Variants in PHF21A observed in about 807,000 individuals in gnomAD.
PHF21A encodes BHC80a.
Under a neutral mutation model 82.5 loss-of-function variants are expected in PHF21A, and 11 were observed. The observed-to-expected ratio is 0.13, with a 90% confidence interval of 0.08 to 0.22. PHF21A has a LOEUF of 0.22. Ranked by LOEUF, PHF21A falls within the 10% of genes least tolerant of loss-of-function variation. The probability of loss-of-function intolerance (pLI) is 1.00; values close to 1 mark genes in which losing one functional copy is unlikely to be tolerated. For missense variants in PHF21A, 579 were observed against 837.8 expected, an observed-to-expected ratio of 0.69 and a Z score of 3.81; for synonymous variants, 297 against 302.8, an observed-to-expected ratio of 0.98 and a Z score of 0.20.
rs1411355026 is a variant in PHF21A at position 45,949,517 on chromosome 11, C to CA, written c.1148-37dup. ...GAAAAGGTTTTCATTAGCAGAGAGG[C>CA]ATGGAGAACCTAAAAAACTTAACTT... is the stretch of plus-strand genomic sequence containing the variant. On this transcript the variant is annotated intron_variant, in intron 12 of 18. Transcript: ENST00000676320. 3 of 1,526,798 alleles carry CA rather than the reference C, an allele frequency of 2.0e-6. No homozygotes were observed. The South Asian group carries it at 3.4e-5, about 17-fold the overall frequency. 94.6% of individuals were successfully genotyped at this position (1,526,798 alleles called of 1,614,324 possible).
intron 9 of PHF21A, 36 bp downstream of exon 9, chr11:45,969,779 C>T: frequency 7.2e-7 from 1 of 1,395,460 alleles, no homozygotes; most frequent in Non-Finnish European, 1.0e-6. Flanking sequence ...TCTGTCCCAT[C>T]TAACCTATCA....
At chr11:45,953,153 G>A (rs1023796275) in intron 11 of PHF21A, among the ~76,000 whole-genome samples, 2 of 152,210 alleles carry the variant, frequency 1.3e-5, no homozygotes, top group African/African-American at 4.8e-5. Flanking sequence ...GAGTGAACTA[G>A]ATATCTTATA....
At chr11:45,992,376 CAA>C (rs375091067) in intron 6 of PHF21A, among the ~76,000 whole-genome samples, 1 of 139,596 alleles carries the variant, frequency 7.2e-6, no homozygotes, top group Non-Finnish European at 1.6e-5. Context: ...ACTAAAAATA[CAA>C]AAAAAAAAAA....
At chr11:46,102,794 G>A (rs962607768) in intron 1 of PHF21A, among the ~76,000 whole-genome samples, 2 of 152,236 alleles carry the variant, frequency 1.3e-5, no homozygotes, top group Non-Finnish European at 2.9e-5. Context: ...CCAGCTGAGG[G>A]CCCAAAGTAG....
chr11:46,012,489 A>G (rs997669882), intron 6 of PHF21A, among the ~76,000 whole-genome samples: 1 of 152,262 alleles, frequency 6.6e-6, no homozygotes, highest in Admixed American at 6.5e-5. Context: ...CACCTTGGAC[A>G]GAATTCTGGC....
chr11:45,937,297 G>A (rs963428429), intron 16 of PHF21A, among the ~76,000 whole-genome samples: 1 of 152,112 alleles, frequency 6.6e-6, no homozygotes, highest in Non-Finnish European at 1.5e-5. Flanking sequence ...AAATCATAAA[G>A]ACATAAATAT....
chr11:45,984,849 G>A (rs1026840237), intron 6 of PHF21A, among the ~76,000 whole-genome samples: 8 of 152,116 alleles, frequency 5.3e-5, no homozygotes, highest in Non-Finnish European at 4.4e-5. Context: ...TATCTGTTGC[G>A]TATCAATTAT....
chr11:45,980,236 A>G (rs117958458), intron 6 of PHF21A, among the ~76,000 whole-genome samples: 2,367 of 152,310 alleles, frequency 0.016, 36 homozygotes, highest in Non-Finnish European at 0.025. Flanking sequence ...CAGAGCTCAG[A>G]TGTCCTATTA....
intron 6 of PHF21A, among the ~76,000 whole-genome samples, chr11:46,047,019 G>A (rs2096268867): frequency 6.6e-6 from 1 of 152,216 alleles, no homozygotes; most frequent in Non-Finnish European, 1.5e-5. Context: ...AATTTAAAGT[G>A]ATTCAGGAAG....
intron 6 of PHF21A, among the ~76,000 whole-genome samples, chr11:45,993,041 A>C (rs1412488462): frequency 3.3e-5 from 5 of 152,212 alleles, no homozygotes; most frequent in Non-Finnish European, 7.3e-5. Flanking sequence ...AAAATGTAAT[A>C]ATCTCACTTG....
chr11:46,035,005 T>C (rs745988015), intron 6 of PHF21A, among the ~76,000 whole-genome samples: 9 of 152,206 alleles, frequency 5.9e-5, no homozygotes, highest in Non-Finnish European at 1.2e-4. Flanking sequence ...GGAGAACATA[T>C]GATATAAATG....
At chr11:46,012,681 T>A (rs376794452) in intron 6 of PHF21A, among the ~76,000 whole-genome samples, 1 of 152,160 alleles carries the variant, frequency 6.6e-6, no homozygotes, top group Non-Finnish European at 1.5e-5. Context: ...TAAATCTATA[T>A]CTCTAGTGCT....
At chr11:46,076,633 G>C in intron 6 of PHF21A, 121 bp downstream of exon 6, 1 of 729,160 alleles carries the variant, frequency 1.4e-6, no homozygotes, top group Non-Finnish European at 2.3e-6. Context: ...TTAAAACCAA[G>C]TCTGGCTGCC....
At chr11:46,062,668 A>C (rs980910269) in intron 6 of PHF21A, among the ~76,000 whole-genome samples, 1 of 152,192 alleles carries the variant, frequency 6.6e-6, no homozygotes, top group African/African-American at 2.4e-5. Context: ...TTCATATTTA[A>C]GATTGAAGCG....
intron 10 of PHF21A, among the ~76,000 whole-genome samples, chr11:45,959,090 G>C (rs776217994): frequency 3.9e-5 from 6 of 152,100 alleles, no homozygotes; most frequent in Non-Finnish European, 7.4e-5. Flanking sequence ...TCCCAAGAGT[G>C]GAAGGGTGGT....
chr11:46,077,421 G>T (rs1013864690), intron 5 of PHF21A, among the ~76,000 whole-genome samples: 2 of 152,218 alleles, frequency 1.3e-5, no homozygotes, highest in Non-Finnish European at 2.9e-5. Context: ...TATTTTAGAT[G>T]AGATACACAG....
intron 17 of PHF21A, among the ~76,000 whole-genome samples, chr11:45,936,193 G>A (rs994288967): frequency 6.6e-6 from 1 of 152,116 alleles, no homozygotes; most frequent in African/African-American, 2.4e-5. Context: ...TAGGAGGATC[G>A]ACTGGGCCCA....
intron 6 of PHF21A, among the ~76,000 whole-genome samples, chr11:45,990,207 AT>A (rs1184060168): frequency 2.7e-5 from 4 of 149,270 alleles, no homozygotes; most frequent in African/African-American, 9.8e-5. Flanking sequence ...TTTAGAAAGG[AT>A]GGAATGGCCA....
chr11:45,930,915 C>CG lies in PHF21A; in HGVS notation c.*3052_*3053insC, dbSNP rs941615240. 6.6e-6 allele frequency: 1 copy of CG among 150,556 alleles called. No individual in the cohort carries two copies. The highest frequency in any genetic ancestry group is 1.5e-5 in the Non-Finnish European group (1 of 67,326). 9.3% of individuals were successfully genotyped at this position (150,556 alleles called of 1,614,324 possible). A position where few individuals can be genotyped will look rare whatever the true frequency, so the allele number is the denominator to read the frequency against. On this transcript the variant is annotated 3_prime_UTR_variant, in exon 19 of 19. Coordinates refer to ENST00000676320, the MANE Select transcript of PHF21A (RefSeq NM_001352027.3). ...CTCAGGTGGTCACAGGCCCCCCCCC[C>CG]TCCCCGCCCAGGTCTGAGGGGACAG...
Sources: allele counts gnomAD v4.1 joint callset (sites outside exome capture counted in the v4.1 genomes callset), GRCh38; gene constraint gnomAD v4.1.1; transcripts MANE v1.5; gene names NCBI Gene and HGNC (gene_info 2026-07-23, HGNC 2026-07-21).